Variants in KATNA1 observed in about 807,000 individuals in gnomAD.
The protein encoded by KATNA1 is katanin p60 ATPase-containing subunit A1.
Under a neutral mutation model 62.6 loss-of-function variants are expected in KATNA1, and 42 were observed. The observed-to-expected ratio is 0.67, with a 90% CI of 0.52 to 0.87. The LOEUF (loss-of-function observed/expected upper bound fraction) is 0.87, where lower values mean the gene tolerates loss of function less well. KATNA1 is among the 40% of genes least tolerant of loss of function. KATNA1 has a pLI of 0.00. For missense variants in KATNA1, 498 were observed against 612.5 expected, an observed-to-expected ratio of 0.81 and a Z score of 1.97; for synonymous variants, 186 against 201.9, an observed-to-expected ratio of 0.92 and a Z score of 0.67.
chr6:149,611,066 A>G (rs1211639648), intron 4 of KATNA1, among the ~76,000 whole-genome samples: 4 of 151,886 alleles, frequency 2.6e-5, no homozygotes, highest in African/African-American at 9.7e-5. Flanking sequence ...CAGGCAACAG[A>G]GCAAGATTCC....
chr6:149,630,942 T>C (rs1445587200), intron 3 of KATNA1, among the ~76,000 whole-genome samples: 4 of 152,008 alleles, frequency 2.6e-5, no homozygotes, highest in Non-Finnish European at 5.9e-5. Flanking sequence ...TTTATCAGTT[T>C]TGTGATAGTG....
Position 149,597,502 on chromosome 6 carries a change from G to C in KATNA1, c.1150+5C>G. ...GGCTTTCTGACAAGATTGAAAGGAA[G>C]ATACCTGACGGCAAAGGAATATAGA... On this transcript the variant is annotated splice_donor_5th_base_variant and intron_variant, in intron 9 of 10. Coordinates refer to ENST00000367411, the MANE Select transcript of KATNA1 (RefSeq NM_007044.4). The C allele has an allele frequency of 6.2e-7, 1 of 1,613,464 alleles. No individual in the cohort carries two copies. The highest frequency in any genetic ancestry group is 8.5e-7 in the Non-Finnish European group (1 of 1,179,824).
intron 4 of KATNA1, 29 bp from the exon 5 acceptor site, chr6:149,604,811 T>C (rs774228998): frequency 9.4e-6 from 15 of 1,599,992 alleles, no homozygotes; most frequent in African/African-American, 4.1e-5. Context: ...ACAAGCGCTT[T>C]TGATTCATTT....
At chr6:149,647,587 T>C (rs1007715124) in intron 1 of KATNA1, among the ~76,000 whole-genome samples, 1 of 151,168 alleles carries the variant, frequency 6.6e-6, no homozygotes. Context: ...AATAGGGCTT[T>C]ATACTGAGAC....
Position 149,614,962 on chromosome 6 carries a change from G to A in KATNA1, c.501+8141C>T, listed in dbSNP as rs186023589. On this transcript the variant is annotated intron_variant, in intron 4 of 10. Transcript: ENST00000367411. Reference sequence around the variant, plus strand: ...CCAGCCTGACCAACATGGTGAAACCGTCTCTACTAAAAATACAAAAATTAG... The same window carrying A: ...CCAGCCTGACCAACATGGTGAAACCATCTCTACTAAAAATACAAAAATTAG... 9.9e-5 allele frequency among the ~76,000 whole-genome samples: 15 copies of A among 151,764 alleles called. No homozygotes were observed. In the East Asian group the frequency reaches 2.5e-3, roughly 26 times the overall value.
intron 4 of KATNA1, among the ~76,000 whole-genome samples, chr6:149,606,393 C>T (rs892488273): frequency 4.6e-5 from 7 of 152,100 alleles, no homozygotes; most frequent in South Asian, 4.1e-4. Flanking sequence ...TTTTTTCTGC[C>T]GTACTAAGAT....
At chr6:149,629,688 A>T (rs1282970493) in intron 3 of KATNA1, among the ~76,000 whole-genome samples, 1 of 126,090 alleles carries the variant, frequency 7.9e-6, no homozygotes, top group East Asian at 2.9e-4. Context: ...AATTTTTACA[A>T]CCATTCAGTG....
chr6:149,620,293 T>C (rs995680042), intron 4 of KATNA1, among the ~76,000 whole-genome samples: 3 of 152,108 alleles, frequency 2.0e-5, no homozygotes, highest in Admixed American at 1.3e-4. Context: ...GTGACTGTAA[T>C]GACTATTATT....
At chr6:149,609,802 C>CAAAAAAAA (rs1169018343) in intron 4 of KATNA1, among the ~76,000 whole-genome samples, 4 of 64,526 alleles carry the variant, frequency 6.2e-5, no homozygotes, top group Admixed American at 2.2e-4. Context: ...GACTCCATCT[C>CAAAAAAAA]AAAAAAAAAA....
intron 3 of KATNA1, among the ~76,000 whole-genome samples, chr6:149,629,248 C>T (rs1779743234): frequency 6.6e-6 from 1 of 152,080 alleles, no homozygotes; most frequent in African/African-American, 2.4e-5. Context: ...ATGTTTGTGT[C>T]CTCCCCAAAG....
intron 1 of KATNA1, among the ~76,000 whole-genome samples, chr6:149,640,435 G>A (rs948885382): frequency 1.3e-4 from 20 of 152,060 alleles, no homozygotes; most frequent in African/African-American, 4.6e-4. Context: ...TCCAGCCTGG[G>A]CAACAGAGAC....
intron 5 of KATNA1, 36 bp from the exon 6 acceptor site, chr6:149,603,409 A>G: frequency 1.0e-6 from 1 of 981,900 alleles, no homozygotes; most frequent in Non-Finnish European, 1.6e-6. Context: ...AACCCTTTAG[A>G]TGATACATGT....
chr6:149,639,658 T>TCAAA (rs1051078914), intron 1 of KATNA1, among the ~76,000 whole-genome samples: 7 of 152,152 alleles, frequency 4.6e-5, no homozygotes, highest in African/African-American at 1.7e-4. Context: ...GTTCCCACAT[T>TCAAA]CAAACCCTCC....
chr6:149,641,245 C>T (rs1780273611), intron 1 of KATNA1, among the ~76,000 whole-genome samples: 1 of 148,034 alleles, frequency 6.8e-6, no homozygotes, highest in Non-Finnish European at 1.5e-5. Flanking sequence ...GGCATGTTCT[C>T]GGCTCACTGC....
chr6:149,607,380 G>T (rs938041646), intron 4 of KATNA1, among the ~76,000 whole-genome samples: 2 of 152,298 alleles, frequency 1.3e-5, no homozygotes, highest in Admixed American at 6.5e-5. Context: ...CTTAGGCTGA[G>T]GGGGGTGGAT....
chr6:149,639,472 G>GC (rs1303225204), intron 1 of KATNA1, among the ~76,000 whole-genome samples: 1 of 151,980 alleles, frequency 6.6e-6, no homozygotes, highest in Non-Finnish European at 1.5e-5. Context: ...GGTGGCACGT[G>GC]CCTGTAATCA....
At chr6:149,631,715 CA>C (rs1779848505) in intron 3 of KATNA1, among the ~76,000 whole-genome samples, 1 of 152,096 alleles carries the variant, frequency 6.6e-6, no homozygotes, top group South Asian at 2.1e-4. Context: ...ATGACACAGT[CA>C]ATATTTAAAT....
intron 1 of KATNA1, among the ~76,000 whole-genome samples, chr6:149,648,180 C>T (rs1392900568): frequency 6.6e-6 from 1 of 152,056 alleles, no homozygotes; most frequent in Non-Finnish European, 1.5e-5. Context: ...GTCGAAAAAT[C>T]GAAGAACTAA....
chr6:149,626,381 G>A (rs1397334909), intron 3 of KATNA1, among the ~76,000 whole-genome samples: 1 of 130,224 alleles, frequency 7.7e-6, no homozygotes, highest in Non-Finnish European at 1.5e-5. Context: ...TGCAAGCTCC[G>A]CCTTCCGGGT....
Sources: allele counts gnomAD v4.1 joint callset (sites outside exome capture counted in the v4.1 genomes callset), GRCh38; gene constraint gnomAD v4.1.1; transcripts MANE v1.5; gene names NCBI Gene and HGNC (gene_info 2026-07-23, HGNC 2026-07-21).